The following RXRA variants were observed in gnomAD, a reference collection of about 807,000 sequenced individuals.
RXRA encodes retinoic acid receptor RXR-alpha.
RXRA carries 5 observed loss-of-function variants against 44.5 expected under a neutral mutation model. The ratio of observed to expected loss-of-function variants is 0.11; its 90% CI spans 0.06 to 0.24. The LOEUF (loss-of-function observed/expected upper bound fraction) is 0.24. Ranked by LOEUF, RXRA falls within the 10% of genes least tolerant of loss-of-function variation. RXRA has a pLI of 1.00. For synonymous variants in RXRA, 291 were observed against 271.4 expected, an observed-to-expected ratio of 1.07 and a Z score of -0.71; for missense variants, 412 against 646.5, an observed-to-expected ratio of 0.64 and a Z score of 3.93.
At chr9:134,405,430 G>A (rs1449368466) in intron 2 of RXRA, 1 of 152,346 alleles carries the variant, frequency 6.6e-6, no homozygotes, top group Non-Finnish European at 1.5e-5. Flanking sequence ...GGGAGCCAGG[G>A]ATGCAGGCTA....
intron 2 of RXRA, among the ~76,000 whole-genome samples, chr9:134,406,724 TG>T (rs897563927): frequency 5.9e-5 from 9 of 152,318 alleles, no homozygotes; most frequent in Non-Finnish European, 1.2e-4. Flanking sequence ...TTCTGCAGCG[TG>T]GGGGATCATG....
In RXRA at chr9:134,417,428, G is replaced by A. The variant is rs1421955206; in HGVS notation, c.780+101G>A. The A allele has an allele frequency of 2.1e-6, 3 of 1,401,354 alleles. No homozygotes were observed. The African/African-American group carries it at 4.2e-5, about 20-fold the overall frequency. The allele number at this position is 1,401,354 out of a possible 1,614,324, so 86.8% of individuals were successfully genotyped here. ...GCAGCTGATGAGCCAGAGAGGTCCT[G>A]GGGGCTGCCCTGGGCCCTGTGGCTG... is the stretch of plus-strand genomic sequence containing the variant. On this transcript the variant is annotated intron_variant, in intron 5 of 9. Transcript: ENST00000481739. The surrounding 1 kb of genome is among the most constrained non-coding windows in gnomAD (Gnocchi z 6.1).
intron 1 of RXRA, among the ~76,000 whole-genome samples, chr9:134,385,230 G>A (rs1001779546): frequency 2.0e-5 from 3 of 152,290 alleles, no homozygotes; most frequent in Admixed American, 6.5e-5. Context: ...AAAGCTGCAC[G>A]TCCACACCCC....
intron 6 of RXRA, chr9:134,424,300 TC>T: frequency 1.0e-6 from 1 of 985,314 alleles, no homozygotes; most frequent in Non-Finnish European, 1.2e-6. Context: ...TGGAAAGCCA[TC>T]CCGTGGCATC....
Position 134,430,132 on chromosome 9 carries a change from C to T in RXRA, c.1043+892C>T, listed in dbSNP as rs566806719. On this transcript the variant is annotated intron_variant, in intron 7 of 9. Coordinates refer to ENST00000481739, the MANE Select transcript of RXRA (RefSeq NM_002957.6). ...CGATCTCCTGACCTCGTGATCCGCC[C>T]ACCTCGGCCTCCCAAAGTGCTGGGA... Among the ~76,000 whole-genome samples the T allele has an allele frequency of 1.6e-4, 25 of 152,298 alleles. No individual in the cohort carries two copies. The East Asian group carries it at 4.6e-3, about 28-fold the overall frequency.
intron 1 of RXRA, among the ~76,000 whole-genome samples, chr9:134,394,292 G>A (rs953771585): frequency 6.6e-6 from 1 of 151,876 alleles, no homozygotes; most frequent in Non-Finnish European, 1.5e-5. Context: ...CAGTGCAGAT[G>A]TGTCATTGCA....
At position 134,429,132 on chromosome 9, in the gene RXRA, C is replaced by T; in HGVS notation, c.935C>T (p.Ser312Phe). The change falls in exon 7 of 10, where the codon TCC (serine) becomes TTC (phenylalanine). Residue 312 changes from serine to phenylalanine, a missense_variant. By Grantham distance (155) the Ser-to-Phe change is radical. This residue lies in a region of RXRA where 141 missense variants were observed against 270.8 expected (regional missense o/e 0.52). Transcript: ENST00000481739. ...GGCTGGAATGAGCTGCTCATCGCCT[C>T]CTTCTCCCACCGCTCCATCGCCGTG... ...RAGWNELLIA[S>F]FSHRSIAVKD... is the part of the protein sequence containing the mutation. The T allele has an allele frequency of 6.2e-7, 1 of 1,613,086 alleles. No individual in the cohort carries two copies. Among genetic ancestry groups the T allele is most frequent in the Non-Finnish European group, 8.5e-7 (1 of 1,179,992 alleles).
chr9:134,427,106 G>C, intron 6 of RXRA: 1 of 984,778 alleles, frequency 1.0e-6, no homozygotes, highest in Non-Finnish European at 1.2e-6. Context: ...GTCAGATTGA[G>C]GGGGCCTCTT....
chr9:134,436,736 C>A lies in RXRA; in HGVS notation c.*122C>A. 9.7e-7 allele frequency: 1 copy of A among 1,029,100 alleles called. No individual in the cohort carries two copies. The highest frequency in any genetic ancestry group is 1.4e-6 in the Non-Finnish European group (1 of 698,572). 63.7% of individuals were successfully genotyped at this position (1,029,100 alleles called of 1,614,324 possible). ...CCTGGCCTGTTTGGACTTTGGGGCA[C>A]AGCCTGTCACTGCTCTGCCTAAGAG... is the stretch of plus-strand genomic sequence containing the variant. On this transcript the variant is annotated 3_prime_UTR_variant, in exon 10 of 10. Coordinates refer to ENST00000481739, the MANE Select transcript of RXRA (RefSeq NM_002957.6).
chr9:134,348,014 G>A (rs570126715), intron 1 of RXRA, among the ~76,000 whole-genome samples: 51 of 152,320 alleles, frequency 3.3e-4, no homozygotes, highest in African/African-American at 1.2e-3. Flanking sequence ...ATGGCTGTGG[G>A]GATGGAGGAG....
At chr9:134,345,574 A>G (rs1830140097) in intron 1 of RXRA, among the ~76,000 whole-genome samples, 1 of 152,140 alleles carries the variant, frequency 6.6e-6, no homozygotes, top group South Asian at 2.1e-4. Flanking sequence ...GCCTGGCTGC[A>G]CCCACTAGGT....
chr9:134,362,450 C>T (rs1052463257), intron 1 of RXRA, among the ~76,000 whole-genome samples: 1 of 152,242 alleles, frequency 6.6e-6, no homozygotes, highest in Non-Finnish European at 1.5e-5. Context: ...GTGTTTCCAG[C>T]GGCTTGTCCA....
At chr9:134,428,776 C>T (rs1171305199) in intron 6 of RXRA, among the ~76,000 whole-genome samples, 1 of 152,210 alleles carries the variant, frequency 6.6e-6, no homozygotes, top group East Asian at 1.9e-4. Context: ...GGGAACATCC[C>T]TGGGTGCTCT....
intron 1 of RXRA, among the ~76,000 whole-genome samples, chr9:134,332,234 G>A (rs1378840084): frequency 1.3e-5 from 2 of 152,224 alleles, no homozygotes; most frequent in Non-Finnish European, 2.9e-5. Flanking sequence ...TGCCACCAGG[G>A]CAGCACTGTC....
At chr9:134,363,342 C>A (rs1037239236) in intron 1 of RXRA, among the ~76,000 whole-genome samples, 1 of 152,242 alleles carries the variant, frequency 6.6e-6, no homozygotes, top group Non-Finnish European at 1.5e-5. Flanking sequence ...TGGCGGTGGG[C>A]CCTGTCCACC....
intron 1 of RXRA, among the ~76,000 whole-genome samples, chr9:134,353,246 T>G (rs1830243234): frequency 6.6e-6 from 1 of 152,094 alleles, no homozygotes; most frequent in Admixed American, 6.5e-5. Flanking sequence ...GAGGTGGGCT[T>G]GTTTTCTTCG....
chr9:134,347,981 CAGAAGCAGAGGTGGT>C (rs1830174925), intron 1 of RXRA, among the ~76,000 whole-genome samples: 1 of 152,010 alleles, frequency 6.6e-6, no homozygotes, highest in Non-Finnish European at 1.5e-5. Flanking sequence ...ACTTAGGAGG[CAGAAGCAGAGGTGGT>C]CATGGCCATG....
chr9:134,375,250 G>T (rs189328855), intron 1 of RXRA, among the ~76,000 whole-genome samples: 1 of 152,206 alleles, frequency 6.6e-6, no homozygotes, highest in Non-Finnish European at 1.5e-5. Context: ...AAGGCTGGGG[G>T]TGGAGAGCAG....
chr9:134,380,888 C>T (rs1432237226), intron 1 of RXRA, among the ~76,000 whole-genome samples: 13 of 148,770 alleles, frequency 8.7e-5, no homozygotes, highest in Admixed American at 7.2e-4. Flanking sequence ...GGATCCCCCC[C>T]TGTCAATCTG....
Sources: gnomAD v4.1 joint callset for allele counts (sites outside exome capture counted in the v4.1 genomes callset) on GRCh38, gnomAD v4.1.1 for gene constraint, gnomAD v4.1.1 regional missense constraint, Gnocchi (gnomAD v3.1) non-coding constraint, MANE v1.5 for transcripts, NCBI Gene and HGNC (gene_info 2026-07-23, HGNC 2026-07-21) for gene names.